Variants in DAAM2 observed in about 807,000 individuals in gnomAD.
DAAM2 encodes disheveled-associated activator of morphogenesis 2.
A neutral mutation model predicts 120.7 loss-of-function variants in DAAM2; 39 were observed. That is an observed-to-expected ratio of 0.32 (90% confidence interval 0.25 to 0.42). The LOEUF is 0.42. Ranked by LOEUF, DAAM2 falls within the 10% of genes least tolerant of loss-of-function variation. The pLI is 1.00. For missense variants in DAAM2, 1,283 were observed against 1,401.7 expected (o/e 0.92, Z 1.35); for synonymous variants, 488 against 524.9 (o/e 0.93, Z 0.96).
chr6:39,826,254 T>A (rs1762669137), intron 1 of DAAM2, among the ~76,000 whole-genome samples: 2 of 149,620 alleles, frequency 1.3e-5, no homozygotes, highest in South Asian at 4.2e-4. Flanking sequence ...TAACTGCCAG[T>A]TAGTAGCAGA....
chr6:39,852,108 G>A (rs1209769703), intron 1 of DAAM2, among the ~76,000 whole-genome samples: 2 of 152,200 alleles, frequency 1.3e-5, no homozygotes, highest in South Asian at 2.1e-4. Context: ...AGGATGTGGA[G>A]GGCAGGGAGC....
intron 1 of DAAM2, among the ~76,000 whole-genome samples, chr6:39,835,054 CTG>C (rs1357419823): frequency 6.6e-5 from 10 of 152,224 alleles, no homozygotes; most frequent in African/African-American, 2.4e-4. Context: ...TATGTCATGA[CTG>C]TCTATTTATG....
Position 39,828,709 on chromosome 6 carries a change from C to T in DAAM2, c.-56-27538C>T, listed in dbSNP as rs531185243. Among the ~76,000 whole-genome samples, 12 of 152,056 alleles carry T rather than the reference C, an allele frequency of 7.9e-5. No individual in the cohort carries two copies. In the East Asian group the frequency reaches 1.9e-3, roughly 25 times the overall value. Reference sequence around the variant, plus strand: ...TCCCGGGTAGCTGGGACTACAGGTGCGTGCCACCATGCCCGGCTAATTTTT... The same window carrying T: ...TCCCGGGTAGCTGGGACTACAGGTGTGTGCCACCATGCCCGGCTAATTTTT... On this transcript the variant is annotated intron_variant, in intron 1 of 24. Transcript: ENST00000274867.
At chr6:39,897,426 A>C (rs1280619567) in intron 21 of DAAM2, 144 bp downstream of exon 21, 1 of 608,812 alleles carries the variant, frequency 1.6e-6, no homozygotes, top group Non-Finnish European at 2.9e-6. Flanking sequence ...GAATTTAAAC[A>C]GACACACAGC....
At chr6:39,868,515 T>G in intron 6 of DAAM2, 1 of 353,724 alleles carries the variant, frequency 2.8e-6, no homozygotes, top group Non-Finnish European at 5.2e-6. Context: ...AGGGAATACA[T>G]ATGAGCTGTA....
chr6:39,884,282 T>C, intron 15 of DAAM2: 1 of 524,820 alleles, frequency 1.9e-6, no homozygotes, highest in Non-Finnish European at 3.4e-6. Context: ...TTGCTGAGGA[T>C]GTAGGTATGA....
At chr6:39,828,821 G>A (rs1239872630) in intron 1 of DAAM2, among the ~76,000 whole-genome samples, 8 of 151,908 alleles carry the variant, frequency 5.3e-5, no homozygotes, top group Non-Finnish European at 1.2e-4. Context: ...TCTGCCTCCC[G>A]CCTTTTTATA....
chr6:39,900,967 G>A (rs1165586736), intron 23 of DAAM2, among the ~76,000 whole-genome samples: 2 of 152,124 alleles, frequency 1.3e-5, no homozygotes, highest in East Asian at 3.9e-4. Flanking sequence ...ATAACTAGAG[G>A]ATCTTTGAAG....
intron 4 of DAAM2, 107 bp downstream of exon 4, chr6:39,864,614 C>T: frequency 1.2e-6 from 1 of 850,642 alleles, no homozygotes. Context: ...TTTACTGCTC[C>T]TCAGCGCCCC....
chr6:39,881,356 C>T lies in DAAM2; in HGVS notation c.1845+1879C>T, dbSNP rs528985914. ...CAATGCCAAGCTTTTAATTGTGTGA[C>T]GGGCAGGTTATGGAATCATTTGGAC... is the stretch of plus-strand genomic sequence containing the variant. On this transcript the variant is annotated intron_variant, in intron 14 of 24. Transcript: ENST00000274867. Among the ~76,000 whole-genome samples, 7 of 152,292 alleles carry T rather than the reference C, an allele frequency of 4.6e-5. No individual in the cohort carries two copies. The South Asian group carries it at 1.0e-3, about 23-fold the overall frequency.
chr6:39,871,534 A>T lies in DAAM2; in HGVS notation c.1006A>T (p.Asn336Tyr). The stretch of plus-strand genomic sequence containing the variant: ...TTTAGACTTCTTCGAGATGGTGCGG[A>T]ATGAGGATGACCTGGAGCTAGCCAG... ...KHLDFFEMVR[N>Y]EDDLELARRF... The change falls in exon 9 of 25, where the codon AAT becomes TAT. Residue 336 changes from asparagine (N) to tyrosine (Y), a missense_variant. Transcript: ENST00000274867. The T allele has an allele frequency of 1.3e-6, 2 of 1,551,328 alleles. No individual in the cohort carries two copies. The highest frequency in any genetic ancestry group is 8.7e-7 in the Non-Finnish European group (1 of 1,147,098).
intron 1 of DAAM2, chr6:39,823,230 T>C (rs532131570): frequency 6.6e-6 from 1 of 152,216 alleles, no homozygotes; most frequent in Non-Finnish European, 1.5e-5. Context: ...TAAGAAAGGC[T>C]ACATCGACAG....
intron 1 of DAAM2, among the ~76,000 whole-genome samples, chr6:39,811,348 A>G (rs1346336672): frequency 6.6e-6 from 1 of 151,834 alleles, no homozygotes; most frequent in Non-Finnish European, 1.5e-5. Context: ...CATTGCAAGC[A>G]CTCCAGTTGT....
rs112750729 is a variant in DAAM2, at chr6:39,796,881, T to C, written c.-57+4416T>C. 2.2e-3 allele frequency among the ~76,000 whole-genome samples: 331 copies of C among 152,130 alleles called. 2 individuals carry two copies. The highest frequency in any genetic ancestry group is 7.9e-3 in the African/African-American group (326 of 41,500). On this transcript the variant is annotated intron_variant, in intron 1 of 24. Coordinates refer to ENST00000274867, the MANE Select transcript of DAAM2 (RefSeq NM_001201427.2). ...CCCCAGGGTTGTTCTGAAAATGAAA[T>C]GGAATGATATAAGGGAAGAAGCTAG...
intron 1 of DAAM2, among the ~76,000 whole-genome samples, chr6:39,800,583 C>T (rs1289290793): frequency 6.6e-6 from 1 of 152,190 alleles, no homozygotes; most frequent in African/African-American, 2.4e-5. Context: ...CCTTTGAGGA[C>T]TGAGTCCCCA....
At chr6:39,864,929 A>C in intron 4 of DAAM2, 51 bp from the exon 5 acceptor site, 1 of 1,561,542 alleles carries the variant, frequency 6.4e-7, no homozygotes, top group South Asian at 1.2e-5. Flanking sequence ...CCTGAGCTGT[A>C]GTGCAGAGGG....
At chr6:39,857,744 G>C (rs115413763) in intron 2 of DAAM2, among the ~76,000 whole-genome samples, 1,820 of 152,284 alleles carry the variant, frequency 0.012, 30 homozygotes, top group African/African-American at 0.039. Context: ...GACAAGTCTT[G>C]CCTGCAAGAA....
At chr6:39,821,597 G>T (rs1762489112) in intron 1 of DAAM2, 1 of 152,296 alleles carries the variant, frequency 6.6e-6, no homozygotes, top group Non-Finnish European at 1.5e-5. Flanking sequence ...GGAGACAGAG[G>T]TGGGGACTGG....
chr6:39,810,564 C>T (rs763694757), intron 1 of DAAM2, among the ~76,000 whole-genome samples: 1 of 152,146 alleles, frequency 6.6e-6, no homozygotes, highest in Non-Finnish European at 1.5e-5. Context: ...CTGGAAGTTA[C>T]ACCCACTTGC....
Sources: allele counts gnomAD v4.1 joint callset (sites outside exome capture counted in the v4.1 genomes callset), GRCh38; gene constraint gnomAD v4.1.1; transcripts MANE v1.5; gene names NCBI Gene and HGNC (gene_info 2026-07-23, HGNC 2026-07-21).